The following GOLPH3 variants were observed in gnomAD, a reference collection of about 807,000 sequenced individuals.
GOLPH3 encodes the protein coat protein GPP34.
Under a neutral mutation model 28.5 loss-of-function variants are expected in GOLPH3, and 14 were observed. The ratio of observed to expected loss-of-function variants is 0.49; its 90% CI spans 0.32 to 0.77. The LOEUF is 0.77. Among genes scored for constraint, GOLPH3 ranks in the 30% least tolerant of loss-of-function variants. The pLI, the probability that GOLPH3 is intolerant of heterozygous loss-of-function variation, is 0.03. For missense variants in GOLPH3, 350 were observed against 393.7 expected, an observed-to-expected ratio of 0.89 and a Z score of 0.94; for synonymous variants, 158 against 159.2, an observed-to-expected ratio of 0.99 and a Z score of 0.06.
rs1346908103 is a variant in GOLPH3 at position 32,158,108 on chromosome 5, AAAT to A, written c.226-14231_226-14229del. Among the ~76,000 whole-genome samples the A allele has an allele frequency of 1.1e-3, 132 of 116,162 alleles. 15 individuals are homozygous for A. Among genetic ancestry groups the A allele is most frequent in the African/African-American group, 4.7e-3 (125 of 26,840 alleles). The allele number at this position is 116,162 out of a possible 152,430, so 76.2% of individuals were successfully genotyped here. A position where few individuals can be genotyped will look rare whatever the true frequency, so the allele number is the denominator to read the frequency against. On this transcript the variant is annotated intron_variant, in intron 1 of 3. Coordinates refer to ENST00000265070, the MANE Select transcript of GOLPH3 (RefSeq NM_022130.4). ...TCTGTCTCAAAATAAATAAATAAAT[AAAT>A]AAATAAATAAATAAATAAAATACAC...
At chr5:32,158,492 T>C (rs927033240) in intron 1 of GOLPH3, among the ~76,000 whole-genome samples, 9 of 152,274 alleles carry the variant, frequency 5.9e-5, no homozygotes, top group African/African-American at 1.7e-4. Context: ...GTTACCATCA[T>C]ACAAGAGACA....
Position 32,163,905 on chromosome 5 carries a change from A to G in GOLPH3, c.225+9905T>C, listed in dbSNP as rs55883016. On this transcript the variant is annotated intron_variant, in intron 1 of 3. Transcript: ENST00000265070. The stretch of plus-strand genomic sequence containing the variant: ...AGGTTATTTTGTTAATACGGTATAA[A>G]CTGTTTAGCATTTCCATTTAAGAAA... Among the ~76,000 whole-genome samples the G allele has an allele frequency of 7.0e-3, 1,068 of 152,288 alleles. 15 individuals carry two copies. The highest frequency in any genetic ancestry group is 0.025 in the African/African-American group (1,024 of 41,566).
intron 1 of GOLPH3, among the ~76,000 whole-genome samples, chr5:32,168,615 G>A (rs1349400656): frequency 2.6e-5 from 4 of 152,112 alleles, no homozygotes; most frequent in African/African-American, 4.8e-5. Context: ...GAAAAAAACA[G>A]TGCCAACAGA....
chr5:32,174,093 T>G lies in GOLPH3; in HGVS notation c.-59A>C, dbSNP rs1746919481. Reference sequence around the variant, plus strand: ...GGTCGCAGGACCGACCGGGTCGCCCTCCTCCTCCCCGCGCGGCCTCCGATC... The same window carrying G: ...GGTCGCAGGACCGACCGGGTCGCCCGCCTCCTCCCCGCGCGGCCTCCGATC... On this transcript the variant is annotated 5_prime_UTR_variant, in exon 1 of 4. Coordinates refer to ENST00000265070, the MANE Select transcript of GOLPH3 (RefSeq NM_022130.4). The G allele has an allele frequency of 1.7e-6, 2 of 1,145,340 alleles. No homozygotes were observed. Among genetic ancestry groups the G allele is most frequent in the Admixed American group, 4.3e-5 (1 of 23,154 alleles). The allele number at this position is 1,145,340 out of a possible 1,614,324, so 70.9% of individuals were successfully genotyped here. A position where few individuals can be genotyped will look rare whatever the true frequency, so the allele number is the denominator to read the frequency against.
At chr5:32,146,464 C>T (rs1431560723) in intron 1 of GOLPH3, among the ~76,000 whole-genome samples, 3 of 152,020 alleles carry the variant, frequency 2.0e-5, no homozygotes, top group Non-Finnish European at 2.9e-5. Context: ...GCCTGATTCC[C>T]TTTATTCTTT....
At chr5:32,142,058 G>A (rs1397228073) in intron 2 of GOLPH3, among the ~76,000 whole-genome samples, 3 of 152,174 alleles carry the variant, frequency 2.0e-5, no homozygotes, top group Admixed American at 6.5e-5. Context: ...TCTCCGCCTG[G>A]CTGCCCATCG....
intron 3 of GOLPH3, among the ~76,000 whole-genome samples, chr5:32,133,752 G>C (rs1401371626): frequency 6.6e-6 from 1 of 152,176 alleles, no homozygotes; most frequent in Non-Finnish European, 1.5e-5. Context: ...AAGTGAATTT[G>C]CTGATAATAT....
intron 3 of GOLPH3, among the ~76,000 whole-genome samples, chr5:32,127,546 T>C (rs930434449): frequency 3.3e-5 from 5 of 152,240 alleles, no homozygotes; most frequent in Non-Finnish European, 5.9e-5. Context: ...TAAATTAATT[T>C]AAAAATTCAT....
At chr5:32,132,081 G>A (rs1369649900) in intron 3 of GOLPH3, among the ~76,000 whole-genome samples, 1 of 152,168 alleles carries the variant, frequency 6.6e-6, no homozygotes, top group East Asian at 1.9e-4. Context: ...AACTGAGCCT[G>A]GGAGGTCAAG....
intron 1 of GOLPH3, among the ~76,000 whole-genome samples, chr5:32,163,508 G>A (rs948649154): frequency 3.3e-5 from 5 of 152,148 alleles, no homozygotes; most frequent in Admixed American, 2.0e-4. Context: ...ACAAAAATTA[G>A]CTGGGCATGG....
In GOLPH3 at chr5:32,135,652, A is replaced by T; in HGVS notation, c.392T>A (p.Val131Asp). ...ICKSDAPTGD[V>D]LLDEALKHVK... ...ATGCTTCAGAGCTTCATCAAGAAGAACATCCCCTGTTGGAGCATCTGACTT... is the reference window on the plus strand; with the variant it reads ...ATGCTTCAGAGCTTCATCAAGAAGATCATCCCCTGTTGGAGCATCTGACTT... The change falls in exon 3 of 4, where the codon GTT becomes GAT. Residue 131 changes from valine (V) to aspartate (D), a missense_variant. Physicochemically the swap from Val to Asp is radical, Grantham distance 152. Transcript: ENST00000265070. 1 of 1,613,754 alleles carries T rather than the reference A, an allele frequency of 6.2e-7. No individual in the cohort carries two copies. Among genetic ancestry groups the T allele is most frequent in the Non-Finnish European group, 8.5e-7 (1 of 1,179,626 alleles).
At chr5:32,153,268 A>C (rs1432217519) in intron 1 of GOLPH3, among the ~76,000 whole-genome samples, 1 of 152,196 alleles carries the variant, frequency 6.6e-6, no homozygotes, top group Non-Finnish European at 1.5e-5. Flanking sequence ...AATGATATGA[A>C]TATACGTATA....
intron 1 of GOLPH3, among the ~76,000 whole-genome samples, chr5:32,160,762 T>G (rs1190477719): frequency 6.6e-6 from 1 of 152,120 alleles, no homozygotes; most frequent in East Asian, 1.9e-4. Flanking sequence ...AACACAAACA[T>G]GAAGACCTAA....
intron 2 of GOLPH3, among the ~76,000 whole-genome samples, chr5:32,137,451 G>A (rs1745961620): frequency 6.6e-6 from 1 of 151,784 alleles, no homozygotes; most frequent in Non-Finnish European, 1.5e-5. Flanking sequence ...CTGAGGTCAA[G>A]AGTTTGAGAC....
At chr5:32,128,187 G>C (rs1170017806) in intron 3 of GOLPH3, among the ~76,000 whole-genome samples, 1 of 152,192 alleles carries the variant, frequency 6.6e-6, no homozygotes, top group Non-Finnish European at 1.5e-5. Context: ...ACACCTACCA[G>C]AAAGTGAACA....
At chr5:32,130,920 T>C (rs546874851) in intron 3 of GOLPH3, among the ~76,000 whole-genome samples, 1 of 152,296 alleles carries the variant, frequency 6.6e-6, no homozygotes, top group South Asian at 2.1e-4. Context: ...CTGTGGAAAT[T>C]TCCCAATTCC....
At chr5:32,132,994 C>T (rs541488579) in intron 3 of GOLPH3, among the ~76,000 whole-genome samples, 2 of 152,276 alleles carry the variant, frequency 1.3e-5, no homozygotes, top group East Asian at 3.9e-4. Flanking sequence ...GAGCAAGCAA[C>T]TCAAGTGCTA....
At position 32,127,959 on chromosome 5, in the gene GOLPH3, A is replaced by G. The variant is rs566407577; in HGVS notation, c.473-1323T>C. Among the ~76,000 whole-genome samples, 6 of 152,132 alleles carry G rather than the reference A, an allele frequency of 3.9e-5. No individual in the cohort carries two copies. In the East Asian group the frequency reaches 1.2e-3, roughly 29 times the overall value. ...GTCCCAGGCAGCAGAGCAGGCAGGA[A>G]GAACCCAAGCAGAGCACAGCAGTCC... is the stretch of plus-strand genomic sequence containing the variant. On this transcript the variant is annotated intron_variant, in intron 3 of 3. Transcript: ENST00000265070.
intron 1 of GOLPH3, 50 bp downstream of exon 1, chr5:32,173,760 G>A (rs1328113170): frequency 2.9e-5 from 37 of 1,267,152 alleles, no homozygotes; most frequent in Non-Finnish European, 3.6e-5. Flanking sequence ...AGCTCACCTG[G>A]CGCCCGGGCC....
Sources: allele counts gnomAD v4.1 joint callset (sites outside exome capture counted in the v4.1 genomes callset), GRCh38; gene constraint gnomAD v4.1.1; transcripts MANE v1.5; gene names NCBI Gene and HGNC (gene_info 2026-07-23, HGNC 2026-07-21).